FBXL7: variants seen among roughly 807,000 people sequenced by gnomAD.
FBXL7 encodes the protein F-box and leucine rich repeat protein 7, also known as F-box/LRR-repeat protein 7.
A neutral mutation model predicts 38.3 loss-of-function variants in FBXL7; 12 were observed. The ratio of observed to expected loss-of-function variants is 0.31; its 90% CI spans 0.20 to 0.51. FBXL7 has a LOEUF of 0.51. Ranked by LOEUF, FBXL7 falls within the 20% of genes least tolerant of loss-of-function variation. The pLI is 0.98. For synonymous variants in FBXL7, 297 were observed against 300.9 expected, an observed-to-expected ratio of 0.99 and a Z score of 0.13; for missense variants, 567 against 676.4, an observed-to-expected ratio of 0.84 and a Z score of 1.79.
At position 15,623,392 on chromosome 5, in the gene FBXL7, C is replaced by T. The variant is rs112493992; in HGVS notation, c.127+7320C>T. The stretch of plus-strand genomic sequence containing the variant: ...CTTTGCGATATTGTGTAAGTCCTTG[C>T]GAGGAAGTCATTTTAAATGTATCAT... On this transcript the variant is annotated intron_variant, in intron 2 of 3. Coordinates refer to ENST00000504595, the MANE Select transcript of FBXL7 (RefSeq NM_012304.5). Among the ~76,000 whole-genome samples, 752 of 152,202 alleles carry T rather than the reference C, an allele frequency of 4.9e-3. 4 individuals are homozygous for T. The highest frequency in any genetic ancestry group is 0.017 in the African/African-American group (691 of 41,522).
Position 15,936,773 on chromosome 5 carries a change from C to T in FBXL7, c.1063C>T (p.Leu355=), listed in dbSNP as rs368886349. 1.2e-4 allele frequency: 200 copies of T among 1,611,376 alleles called. No homozygotes were observed. The highest frequency in any genetic ancestry group is 1.6e-4 in the Non-Finnish European group (193 of 1,179,398). The change falls in exon 4 of 4, where the codon CTG becomes TTG. Residue 355 remains leucine (L), a synonymous_variant. Transcript: ENST00000504595. The surrounding 1 kb of genome is among the most constrained non-coding windows in gnomAD (Gnocchi z 6.0). ...CAAGCTGGAGTCCCGCCTGCGGTACCTGAGCATCGCGCACTGCGGCCGGGT... is the reference window on the plus strand; with the variant it reads ...CAAGCTGGAGTCCCGCCTGCGGTACTTGAGCATCGCGCACTGCGGCCGGGT... ...IAKLESRLRY[L]SIAHCGRVTD...
chr5:15,830,512 A>ACT (rs1296005307), intron 2 of FBXL7, among the ~76,000 whole-genome samples: 1 of 151,426 alleles, frequency 6.6e-6, no homozygotes. Context: ...ACACACACAC[A>ACT]CACACACACA....
chr5:15,748,241 T>C (rs984751760), intron 2 of FBXL7, among the ~76,000 whole-genome samples: 6 of 152,218 alleles, frequency 3.9e-5, no homozygotes, highest in African/African-American at 7.2e-5. Context: ...CAAACAGTTA[T>C]CTGGCCCCAG....
chr5:15,934,133 T>C (rs1317285079), intron 3 of FBXL7, among the ~76,000 whole-genome samples: 1 of 152,064 alleles, frequency 6.6e-6, no homozygotes, highest in Non-Finnish European at 1.5e-5. Context: ...GCCTCCCAAA[T>C]AGCTGGGATT....
At chr5:15,739,501 TTTATCACAAC>T (rs150898307) in intron 2 of FBXL7, among the ~76,000 whole-genome samples, 8,065 of 152,294 alleles carry the variant, frequency 0.053, 231 homozygotes, top group East Asian at 0.084. Flanking sequence ...AGAACTTTTT[TTTATCACAAC>T]AAGAAATCTC....
intron 2 of FBXL7, among the ~76,000 whole-genome samples, chr5:15,914,014 C>T (rs1741515169): frequency 6.6e-6 from 1 of 152,176 alleles, no homozygotes. Flanking sequence ...CAGTAGAGAT[C>T]TTAAAATTCT....
chr5:15,779,002 T>G lies in FBXL7; in HGVS notation c.128-148888T>G, dbSNP rs563379195. On this transcript the variant is annotated intron_variant, in intron 2 of 3. Transcript: ENST00000504595. The stretch of plus-strand genomic sequence containing the variant: ...TTAGTCAACTTTGTTGCTTTTCTCT[T>G]AGCTAGTGAATAAAAACCTTATTTA... Among the ~76,000 whole-genome samples the G allele has an allele frequency of 4.6e-5, 7 of 152,258 alleles. No homozygotes were observed. In the South Asian group the frequency reaches 1.2e-3, roughly 27 times the overall value.
rs546720627 is a variant in FBXL7, at chr5:15,716,141, T to G, written c.127+100069T>G. ...GATTAAACTGGACTATAAAACGATG[T>G]TTTTGTGTACAGCTTTCAGGATTGC... On this transcript the variant is annotated intron_variant, in intron 2 of 3. Transcript: ENST00000504595. Among the ~76,000 whole-genome samples, 5 of 152,330 alleles carry G rather than the reference T, an allele frequency of 3.3e-5. No individual in the cohort carries two copies. In the East Asian group the frequency reaches 5.8e-4, roughly 18 times the overall value.
At chr5:15,803,888 A>G (rs1226002576) in intron 2 of FBXL7, among the ~76,000 whole-genome samples, 1 of 152,120 alleles carries the variant, frequency 6.6e-6, no homozygotes, top group Admixed American at 6.5e-5. Flanking sequence ...ACCATGTTTG[A>G]GGGACAGGCC....
chr5:15,761,239 G>A (rs1208785947), intron 2 of FBXL7, among the ~76,000 whole-genome samples: 1 of 152,036 alleles, frequency 6.6e-6, no homozygotes, highest in Non-Finnish European at 1.5e-5. Flanking sequence ...TTAATTTTTT[G>A]AGTAGGTAAT....
At chr5:15,740,979 T>C (rs1420159445) in intron 2 of FBXL7, among the ~76,000 whole-genome samples, 1 of 152,140 alleles carries the variant, frequency 6.6e-6, no homozygotes, top group East Asian at 1.9e-4. Context: ...TACATTTTCC[T>C]AAGAGAAATA....
chr5:15,573,095 G>A (rs1415707368), intron 1 of FBXL7, among the ~76,000 whole-genome samples: 1 of 152,158 alleles, frequency 6.6e-6, no homozygotes, highest in Non-Finnish European at 1.5e-5. Flanking sequence ...GCAGTATCTG[G>A]ACACATCTCT....
chr5:15,555,442 A>C (rs1449487315), intron 1 of FBXL7, among the ~76,000 whole-genome samples: 1 of 152,174 alleles, frequency 6.6e-6, no homozygotes, highest in African/African-American at 2.4e-5. Flanking sequence ...TTGGGCTCGC[A>C]GTCTTTAACA....
chr5:15,928,041 G>GCCCCCCCCCC lies in FBXL7; in HGVS notation c.279_280insCCCCCCCCCC (p.Thr94ProfsTer142). On this transcript the variant is annotated frameshift_variant, in exon 3 of 4. Transcript: ENST00000504595. LOFTEE classifies it high-confidence loss of function. The surrounding 1 kb of genome is among the most constrained non-coding windows in gnomAD (Gnocchi z 4.0). ...TGGCCATGGTGCACTCCCCGCCCCC[G>GCCCCCCCCCC]ACCCGCCTCACACACCCGCTCATCC... 2.1e-6 allele frequency: 3 copies of GCCCCCCCCCC among 1,436,850 alleles called. No homozygotes were observed. Among genetic ancestry groups the GCCCCCCCCCC allele is most frequent in the South Asian group, 1.6e-5 (1 of 62,834 alleles). The allele number at this position is 1,436,850 out of a possible 1,614,324, so 89.0% of individuals were successfully genotyped here.
In FBXL7 at chr5:15,740,925, A is replaced by T. The variant is rs890794528; in HGVS notation, c.127+124853A>T. Among the ~76,000 whole-genome samples, 3 of 152,206 alleles carry T rather than the reference A, an allele frequency of 2.0e-5. No homozygotes were observed. In the East Asian group the frequency reaches 5.8e-4, roughly 29 times the overall value. ...AGAACACAATCAATTTCACAATTTT[A>T]CATATTTATATGACATAAAGAATGT... On this transcript the variant is annotated intron_variant, in intron 2 of 3. Transcript: ENST00000504595.
intron 1 of FBXL7, among the ~76,000 whole-genome samples, chr5:15,581,910 T>A (rs574006361): frequency 6.6e-6 from 1 of 152,220 alleles, no homozygotes; most frequent in African/African-American, 2.4e-5. Flanking sequence ...GCTCTGACCA[T>A]ACTCTTTGAG....
At chr5:15,814,372 A>T (rs1388325163) in intron 2 of FBXL7, among the ~76,000 whole-genome samples, 1 of 152,174 alleles carries the variant, frequency 6.6e-6, no homozygotes, top group African/African-American at 2.4e-5. Flanking sequence ...GTAGGAGTCG[A>T]ACAATGAGAA....
rs554976728 is a variant in FBXL7, at chr5:15,895,713, G to A, written c.128-32177G>A. 8.7e-5 allele frequency among the ~76,000 whole-genome samples: 12 copies of A among 137,392 alleles called. No homozygotes were observed. The South Asian group carries it at 1.2e-3, about 13-fold the overall frequency. 90.1% of individuals were successfully genotyped at this position (137,392 alleles called of 152,430 possible). On this transcript the variant is annotated intron_variant, in intron 2 of 3. Transcript: ENST00000504595. ...CTCTGGAGTGCAGTGGCGCAAACTC[G>A]GCTCACTGCAAACTCTGCCTCCTGG...
At chr5:15,592,118 A>T (rs1739496360) in intron 1 of FBXL7, among the ~76,000 whole-genome samples, 1 of 152,194 alleles carries the variant, frequency 6.6e-6, no homozygotes, top group African/African-American at 2.4e-5. Flanking sequence ...GAACAAGTCT[A>T]CATTGGACAC....
Sources: gnomAD v4.1 joint callset for allele counts (sites outside exome capture counted in the v4.1 genomes callset) on GRCh38, gnomAD v4.1.1 for gene constraint, Gnocchi (gnomAD v3.1) non-coding constraint, MANE v1.5 for transcripts, NCBI Gene and HGNC (gene_info 2026-07-23, HGNC 2026-07-21) for gene names.